The following DAB1 variants were observed in gnomAD, a reference collection of about 807,000 sequenced individuals.
DAB1 encodes the protein disabled homolog 1.
Under a neutral mutation model 64.6 loss-of-function variants are expected in DAB1, and 15 were observed. The ratio of observed to expected loss-of-function variants is 0.23; its 90% CI spans 0.16 to 0.36. DAB1 has a LOEUF of 0.36. Among genes scored for constraint, DAB1 ranks in the 10% least tolerant of loss-of-function variants. The probability of loss-of-function intolerance (pLI) is 1.00; values close to 1 mark genes in which losing one functional copy is unlikely to be tolerated. For synonymous variants in DAB1, 235 were observed against 251.9 expected, an observed-to-expected ratio of 0.93 and a Z score of 0.64; for missense variants, 596 against 706.7, an observed-to-expected ratio of 0.84 and a Z score of 1.78.
chr1:58,119,469 C>G (rs1057019646), intron 5 of DAB1, among the ~76,000 whole-genome samples: 1 of 152,190 alleles, frequency 6.6e-6, no homozygotes, highest in Non-Finnish European at 1.5e-5. Flanking sequence ...GTATCCCTGT[C>G]TTTCTCAGAG....
intron 2 of DAB1, among the ~76,000 whole-genome samples, chr1:58,518,414 A>T (rs957756765): frequency 6.6e-6 from 1 of 151,870 alleles, no homozygotes; most frequent in Non-Finnish European, 1.5e-5. Context: ...ATATCATCAT[A>T]GCTTACTGGA....
chr1:57,047,255 C>T (rs1266053092), intron 9 of DAB1, among the ~76,000 whole-genome samples: 3 of 152,132 alleles, frequency 2.0e-5, no homozygotes, highest in African/African-American at 7.2e-5. Flanking sequence ...TAGCACAGTC[C>T]ATTGCTTGGT....
intron 1 of DAB1, among the ~76,000 whole-genome samples, chr1:57,853,585 A>G (rs111314952): frequency 6.6e-6 from 1 of 152,232 alleles, no homozygotes; most frequent in African/African-American, 2.4e-5. Flanking sequence ...TAAAATTAAT[A>G]AAATGAACGA....
chr1:58,125,293 T>C (rs1176057196), intron 5 of DAB1, among the ~76,000 whole-genome samples: 2 of 152,202 alleles, frequency 1.3e-5, no homozygotes, highest in Non-Finnish European at 2.9e-5. Flanking sequence ...CAGTTGCATT[T>C]AAAATTCAGC....
At chr1:57,432,789 A>T (rs1231201855) in intron 7 of DAB1, among the ~76,000 whole-genome samples, 1 of 152,162 alleles carries the variant, frequency 6.6e-6, no homozygotes, top group Non-Finnish European at 1.5e-5. Flanking sequence ...CCAGATATGC[A>T]CTTCCTATAT....
intron 7 of DAB1, among the ~76,000 whole-genome samples, chr1:57,486,062 A>G (rs1644087720): frequency 6.6e-6 from 1 of 152,146 alleles, no homozygotes; most frequent in Admixed American, 6.5e-5. Context: ...TACTCTCCAA[A>G]CACTTGATCC....
chr1:57,802,942 A>G lies in DAB1; in HGVS notation n.551+81057T>C, dbSNP rs138953194. Among the ~76,000 whole-genome samples, 219 of 152,266 alleles carry G rather than the reference A, an allele frequency of 1.4e-3. 6 individuals are homozygous for G. The South Asian group carries it at 0.035, about 25-fold the overall frequency. ...TAAATAGCCTGGCCTTTCTAGGTCT[A>G]CTTGTTTGCCTCACTCAGTCACCAG... On this transcript the variant is annotated intron_variant and non_coding_transcript_variant, in intron 6 of 20. Coordinates refer to the DAB1 transcript ENST00000485760.
At chr1:57,191,610 C>G (rs558961307) in intron 2 of DAB1, among the ~76,000 whole-genome samples, 8 of 152,280 alleles carry the variant, frequency 5.3e-5, no homozygotes, top group South Asian at 2.1e-4. Flanking sequence ...TACAACTCAT[C>G]CTTCAATGGG....
intron 4 of DAB1, among the ~76,000 whole-genome samples, chr1:58,300,594 AAGAAAGAAAGAAAGAAAGAGAG>A (rs1662111747): frequency 2.4e-4 from 8 of 33,646 alleles, no homozygotes; most frequent in East Asian, 2.3e-3. Context: ...GAAAGAAAGA[AAGAAAGAAAGAAAGAAAGAGAG>A]AGAGAGAGAG....
chr1:57,551,899 G>T (rs866784232), intron 7 of DAB1, among the ~76,000 whole-genome samples: 2 of 152,152 alleles, frequency 1.3e-5, no homozygotes, highest in Admixed American at 1.3e-4. Context: ...ATGTGCTAGG[G>T]TTATGTTCTA....
intron 1 of DAB1, among the ~76,000 whole-genome samples, chr1:57,337,684 G>A (rs942547222): frequency 1.3e-5 from 2 of 152,064 alleles, no homozygotes; most frequent in African/African-American, 2.4e-5. Context: ...AGCGGCGCCT[G>A]GTGAGAGAGC....
chr1:58,504,926 T>C (rs577945990), intron 3 of DAB1, among the ~76,000 whole-genome samples: 1 of 152,164 alleles, frequency 6.6e-6, no homozygotes, highest in East Asian at 1.9e-4. Flanking sequence ...CCGTATTTGT[T>C]GGGCTGAATT....
chr1:57,154,189 C>T (rs1366997427), intron 2 of DAB1, among the ~76,000 whole-genome samples: 3 of 152,148 alleles, frequency 2.0e-5, no homozygotes, highest in African/African-American at 7.2e-5. Context: ...CTGCAGCCCC[C>T]ACTACCCTTC....
intron 4 of DAB1, among the ~76,000 whole-genome samples, chr1:58,160,043 A>C (rs1655440024): frequency 6.6e-6 from 1 of 152,202 alleles, no homozygotes; most frequent in South Asian, 2.1e-4. Flanking sequence ...AGGCATTTCA[A>C]ATACAAATGA....
chr1:57,298,163 G>C (rs1251295921), intron 1 of DAB1, among the ~76,000 whole-genome samples: 1 of 151,542 alleles, frequency 6.6e-6, no homozygotes, highest in Non-Finnish European at 1.5e-5. Flanking sequence ...TATCTGATCT[G>C]ACCATGGCAA....
At chr1:58,176,242 T>A (rs1035541272) in intron 4 of DAB1, among the ~76,000 whole-genome samples, 3 of 152,176 alleles carry the variant, frequency 2.0e-5, no homozygotes, top group African/African-American at 7.2e-5. Context: ...TTAGACTATA[T>A]GCATGTAAAA....
At chr1:57,969,040 G>A (rs1196762819) in intron 5 of DAB1, among the ~76,000 whole-genome samples, 1 of 151,996 alleles carries the variant, frequency 6.6e-6, no homozygotes, top group African/African-American at 2.4e-5. Context: ...TGTTTATCTG[G>A]AATAATTTAA....
chr1:58,285,372 T>C (rs1488964204), intron 4 of DAB1, among the ~76,000 whole-genome samples: 1 of 152,168 alleles, frequency 6.6e-6, no homozygotes, highest in East Asian at 1.9e-4. Context: ...GCAGATAACA[T>C]GATCTTATAT....
intron 6 of DAB1, among the ~76,000 whole-genome samples, chr1:57,676,465 A>G (rs1379687544): frequency 6.6e-6 from 1 of 152,224 alleles, no homozygotes; most frequent in African/African-American, 2.4e-5. Flanking sequence ...ATACCAAGGC[A>G]TGCAGCAATT....
Sources: allele counts gnomAD v4.1 joint callset (sites outside exome capture counted in the v4.1 genomes callset), GRCh38; gene constraint gnomAD v4.1.1; transcripts MANE v1.5; gene names NCBI Gene and HGNC (gene_info 2026-07-23, HGNC 2026-07-21).